The following WDR49 variants were observed in gnomAD, a reference collection of about 807,000 sequenced individuals.
WDR49 encodes the protein cilia- and flagella-associated protein 337.
In WDR49, 107 loss-of-function variants were observed where a neutral mutation model predicts 119.5. That is an observed-to-expected ratio of 0.90 (90% CI 0.77 to 1.05). The LOEUF is 1.05. WDR49 is among the 50% of genes least tolerant of loss of function. The pLI, the probability that WDR49 is intolerant of heterozygous loss-of-function variation, is 0.00. For missense variants in WDR49, 1,240 were observed against 1,220.5 expected (o/e 1.02, Z -0.24); for synonymous variants, 425 against 418.8 (o/e 1.01, Z -0.18).
chr3:167,540,258 T>G (rs941518188), intron 10 of WDR49, among the ~76,000 whole-genome samples: 8 of 152,140 alleles, frequency 5.3e-5, no homozygotes, highest in Non-Finnish European at 8.8e-5. Flanking sequence ...ACACTAAATA[T>G]ATCTACAAGG....
chr3:167,607,300 G>A (rs1219494523), intron 5 of WDR49, among the ~76,000 whole-genome samples: 1 of 152,166 alleles, frequency 6.6e-6, no homozygotes, highest in Non-Finnish European at 1.5e-5. Context: ...GCAGGAGAAG[G>A]TCAGAGAGAA....
intron 18 of WDR49, among the ~76,000 whole-genome samples, chr3:167,499,068 C>A (rs1247656665): frequency 1.3e-5 from 2 of 151,668 alleles, no homozygotes; most frequent in African/African-American, 4.8e-5. Flanking sequence ...CAAGAGCAAG[C>A]AAAGAGAAAT....
intron 18 of WDR49, among the ~76,000 whole-genome samples, chr3:167,492,405 C>A (rs898634179): frequency 6.6e-5 from 10 of 152,054 alleles, no homozygotes; most frequent in African/African-American, 2.4e-4. Context: ...TAGGCTCTAC[C>A]TTTACTATCT....
At chr3:167,566,295 C>G (rs1577244395) in intron 8 of WDR49, among the ~76,000 whole-genome samples, 1 of 152,274 alleles carries the variant, frequency 6.6e-6, no homozygotes, top group East Asian at 1.9e-4. Flanking sequence ...AGGTGAAAAA[C>G]TGCTACATTA....
intron 18 of WDR49, among the ~76,000 whole-genome samples, chr3:167,489,348 A>G (rs1560246534): frequency 6.6e-6 from 1 of 152,104 alleles, no homozygotes. Context: ...TGGGGACCCT[A>G]TAATATTCAT....
chr3:167,621,552 T>G lies in WDR49; in HGVS notation c.698A>C (p.Lys233Thr). The change falls in exon 4 of 19, where the codon AAA becomes ACA. Residue 233 changes from lysine to threonine, a missense_variant. By Grantham distance (78) the Lys-to-Thr change is moderately conservative (BLOSUM62 -1). Transcript: ENST00000682715. The stretch of plus-strand genomic sequence containing the variant: ...ATAATCCATGCAAATTGGTGTTCCT[T>G]TCAGGCCTTGGAGTTTGTATTGGCA... ...FACQYKLQGL[K>T]GTPICMDYWY... 1 of 1,535,612 alleles carries G rather than the reference T, an allele frequency of 6.5e-7. No individual in the cohort carries two copies. The highest frequency in any genetic ancestry group is 8.7e-7 in the Non-Finnish European group (1 of 1,146,492).
chr3:167,553,510 G>T (rs936887990), intron 10 of WDR49, among the ~76,000 whole-genome samples: 2 of 152,048 alleles, frequency 1.3e-5, no homozygotes, highest in East Asian at 3.8e-4. Flanking sequence ...TAAGGAAATG[G>T]CATTGCCAAG....
rs1050593276 is a variant in WDR49, at chr3:167,545,511, A to T, written c.1824-8511T>A. 8.6e-5 allele frequency among the ~76,000 whole-genome samples: 12 copies of T among 139,224 alleles called. No homozygotes were observed. The East Asian group carries it at 2.4e-3, about 28-fold the overall frequency. The allele number at this position is 139,224 out of a possible 152,430, so 91.3% of individuals were successfully genotyped here. A position where few individuals can be genotyped will look rare whatever the true frequency, so the allele number is the denominator to read the frequency against. On this transcript the variant is annotated intron_variant, in intron 10 of 18. Transcript: ENST00000682715. The stretch of plus-strand genomic sequence containing the variant: ...ATATATATATTATATATTATATATT[A>T]TATATATATATATGCACCCTGGAAT...
At chr3:167,648,523 G>A (rs1718231132) in intron 2 of WDR49, among the ~76,000 whole-genome samples, 1 of 152,118 alleles carries the variant, frequency 6.6e-6, no homozygotes, top group African/African-American at 2.4e-5. Context: ...TAGACACAAA[G>A]GTCTCCATAA....
At chr3:167,598,649 C>T (rs373768037) in intron 7 of WDR49, among the ~76,000 whole-genome samples, 1 of 152,230 alleles carries the variant, frequency 6.6e-6, no homozygotes, top group African/African-American at 2.4e-5. Context: ...CATGTGGAAA[C>T]ATGAATCAAT....
chr3:167,551,551 A>G (rs536671971), intron 10 of WDR49, among the ~76,000 whole-genome samples: 28 of 152,150 alleles, frequency 1.8e-4, no homozygotes, highest in African/African-American at 6.7e-4. Context: ...TAGAAAGAGT[A>G]TTGACTTTGG....
rs774540951 is a variant in WDR49 at position 167,623,789 on chromosome 3, G to A, written c.607-2146C>T. Among the ~76,000 whole-genome samples the A allele has an allele frequency of 5.3e-5, 8 of 152,034 alleles. No homozygotes were observed. In the South Asian group the frequency reaches 8.3e-4, roughly 16 times the overall value. ...CTCTCTATATCTATTTGAAGATAAC[G>A]TGATATTATATATAGGAAATTTTAG... On this transcript the variant is annotated intron_variant, in intron 3 of 18. Transcript: ENST00000682715.
chr3:167,492,496 A>T (rs1751180558), intron 18 of WDR49, among the ~76,000 whole-genome samples: 1 of 152,140 alleles, frequency 6.6e-6, no homozygotes, highest in African/African-American at 2.4e-5. Flanking sequence ...TAAGTCCCAC[A>T]TTGTAGAACT....
chr3:167,656,724 C>A (rs940145642), upstream of WDR49, among the ~76,000 whole-genome samples: 1 of 152,176 alleles, frequency 6.6e-6, no homozygotes, highest in Non-Finnish European at 1.5e-5. Context: ...TTCTCTGTAA[C>A]TGTGTGGTTA....
At chr3:167,631,716 G>A (rs910234257) in intron 2 of WDR49, among the ~76,000 whole-genome samples, 12 of 152,036 alleles carry the variant, frequency 7.9e-5, no homozygotes, top group African/African-American at 2.9e-4. Flanking sequence ...AACCAATGTA[G>A]GTTTAAGCCT....
At chr3:167,548,056 G>T (rs1170030908) in intron 10 of WDR49, among the ~76,000 whole-genome samples, 2 of 152,016 alleles carry the variant, frequency 1.3e-5, no homozygotes, top group Non-Finnish European at 2.9e-5. Flanking sequence ...AAGCCAAGTT[G>T]TTACCATTCC....
intron 7 of WDR49, among the ~76,000 whole-genome samples, chr3:167,584,738 C>T (rs964271906): frequency 6.6e-6 from 1 of 151,874 alleles, no homozygotes; most frequent in Non-Finnish European, 1.5e-5. Flanking sequence ...AAAAAATCTA[C>T]ACAAAAATGA....
At chr3:167,534,871 A>T (rs1752969416) in intron 11 of WDR49, among the ~76,000 whole-genome samples, 1 of 152,196 alleles carries the variant, frequency 6.6e-6, no homozygotes, top group African/African-American at 2.4e-5. Flanking sequence ...TATCTGGGCT[A>T]AATTATGCCA....
rs1461849740 is a variant in WDR49 at position 167,551,704 on chromosome 3, A to T, written c.1823+2946T>A. On this transcript the variant is annotated intron_variant, in intron 10 of 18. Transcript: ENST00000682715. ...TCATTGTGAAGAGAGAATATAATAG[A>T]TTTTCATATCTATGCTGCTTGCCTC... 2.6e-5 allele frequency among the ~76,000 whole-genome samples: 4 copies of T among 151,946 alleles called. 1 individual carries two copies. Among genetic ancestry groups the T allele is most frequent in the African/African-American group, 4.8e-5 (2 of 41,402 alleles).
Sources: gnomAD v4.1 joint callset for allele counts (sites outside exome capture counted in the v4.1 genomes callset) on GRCh38, gnomAD v4.1.1 for gene constraint, MANE v1.5 for transcripts, NCBI Gene and HGNC (gene_info 2026-07-23, HGNC 2026-07-21) for gene names.